PI4KA: variants seen among roughly 807,000 people sequenced by gnomAD.
PI4KA encodes the protein PI4-kinase alpha.
In PI4KA, 122 loss-of-function variants were observed where a neutral mutation model predicts 271.4. That is an observed-to-expected ratio of 0.45 (90% CI 0.39 to 0.52). The LOEUF (loss-of-function observed/expected upper bound fraction) is 0.52, where lower values mean the gene tolerates loss of function less well. PI4KA is among the 20% of genes least tolerant of loss of function. The pLI, the probability that PI4KA is intolerant of heterozygous loss-of-function variation, is 0.00. For synonymous variants in PI4KA, 1,041 were observed against 1,078.8 expected (o/e 0.96, Z 0.69); for missense variants, 1,969 against 2,769.1 (o/e 0.71, Z 6.48).
chr22:20,709,970 C>T lies in PI4KA; in HGVS notation c.6111G>A (p.Leu2037=), dbSNP rs749623393. 6 of 1,613,540 alleles carry T rather than the reference C, an allele frequency of 3.7e-6. No homozygotes were observed. In the African/African-American group the frequency reaches 4.0e-5, roughly 11 times the overall value. The change falls in exon 53 of 55, where the codon CTG becomes CTA. Residue 2037 remains leucine (L), a synonymous_variant. Coordinates refer to ENST00000255882, the MANE Select transcript of PI4KA (RefSeq NM_058004.4). The stretch of plus-strand genomic sequence containing the variant: ...GGCCCGTGTCCAACATGAGAGTGAC[C>T]AGGGAGACGACCGCGTCCATGTAGG... ...VRPYMDAVVS[L]VTLMLDTGLP... is the part of the protein sequence containing the mutation.
At chr22:20,843,874 C>T (rs1308302897) in intron 1 of PI4KA, among the ~76,000 whole-genome samples, 1 of 152,188 alleles carries the variant, frequency 6.6e-6, no homozygotes, top group Non-Finnish European at 1.5e-5. Context: ...TGCACACTCC[C>T]AGCCCCAAAA....
chr22:20,804,922 G>C, intron 11 of PI4KA, 52 bp downstream of exon 11: 1 of 1,428,156 alleles, frequency 7.0e-7, no homozygotes, highest in Non-Finnish European at 9.6e-7. Flanking sequence ...TGGCAAGAAA[G>C]CCTCTGGGTC....
In PI4KA at chr22:20,748,842, C is replaced by G. The variant is rs1246119013; in HGVS notation, c.3243+1063G>C. On this transcript the variant is annotated intron_variant, in intron 28 of 54. Transcript: ENST00000255882. ...CTACTCTGGTGGGTGGAGGAGAGGG[C>G]AGATTCGGGGAAGGCTGAGGCTGGG... 2.0e-5 allele frequency among the ~76,000 whole-genome samples: 3 copies of G among 152,032 alleles called. No homozygotes were observed. The East Asian group carries it at 5.8e-4, about 29-fold the overall frequency.
intron 3 of PI4KA, among the ~76,000 whole-genome samples, chr22:20,829,682 C>T (rs1010363364): frequency 2.0e-5 from 3 of 150,594 alleles, no homozygotes; most frequent in African/African-American, 7.3e-5. Flanking sequence ...TTAGTTATTT[C>T]TTATCTTCTG....
chr22:20,755,603 C>A (rs1931198676), intron 23 of PI4KA, among the ~76,000 whole-genome samples: 1 of 151,976 alleles, frequency 6.6e-6, no homozygotes, highest in Non-Finnish European at 1.5e-5. Context: ...GAGTTTGAGA[C>A]CAGCCTGGCC....
At chr22:20,804,594 C>T (rs1935526233) in intron 11 of PI4KA, among the ~76,000 whole-genome samples, 194 bp from the exon 12 acceptor site, 1 of 152,172 alleles carries the variant, frequency 6.6e-6, no homozygotes, top group Non-Finnish European at 1.5e-5. Flanking sequence ...CCCCTTGTCC[C>T]CGCAGTGTTC....
At chr22:20,740,604 A>C (rs1601380222) in intron 32 of PI4KA, among the ~76,000 whole-genome samples, 1 of 152,216 alleles carries the variant, frequency 6.6e-6, no homozygotes, top group Non-Finnish European at 1.5e-5. Context: ...CAAACAACTA[A>C]AAATGAAAGA....
At chr22:20,821,334 T>C (rs1922629428) in intron 4 of PI4KA, among the ~76,000 whole-genome samples, 1 of 152,044 alleles carries the variant, frequency 6.6e-6, no homozygotes, top group Non-Finnish European at 1.5e-5. Flanking sequence ...TTCTCCTGAC[T>C]CAGTCTCCTG....
At chr22:20,754,198 C>T (rs1455223319) in intron 23 of PI4KA, among the ~76,000 whole-genome samples, 2 of 152,162 alleles carry the variant, frequency 1.3e-5, no homozygotes, top group Non-Finnish European at 2.9e-5. Flanking sequence ...AGGGATCCTC[C>T]CACCTCAGCC....
At position 20,790,995 on chromosome 22, in the gene PI4KA, C is replaced by G. The variant is rs111740459; in HGVS notation, c.2328+2198G>C. The stretch of plus-strand genomic sequence containing the variant: ...ACAGATAACAGTTCTGCCTGTACCA[C>G]CCACCCCAGCAGCCCGGAGAGGCGC... On this transcript the variant is annotated intron_variant, in intron 19 of 54. Transcript: ENST00000255882. Among the ~76,000 whole-genome samples, 1,488 of 152,274 alleles carry G rather than the reference C, an allele frequency of 9.8e-3. 12 individuals are homozygous for G. The highest frequency in any genetic ancestry group is 0.061 in the Middle Eastern group (18 of 294).
rs139243317 is a variant in PI4KA at position 20,727,808 on chromosome 22, G to C, written c.4739C>G (p.Pro1580Arg). Residue 1580 changes from proline to arginine, a missense_variant, in exon 40 of 55, where the codon CCG becomes CGG. Pro to Arg is a moderately radical substitution (Grantham distance 103). Transcript: ENST00000255882. ...NEVTRLVRLD[P>R]GAVSDVPEAI... ...TTCAGGCACATCACTAACGGCTCCC[G>C]GGTCCAACCGAACGAGACGGGTCAC... 6.2e-7 allele frequency: 1 copy of C among 1,614,054 alleles called. No individual in the cohort carries two copies. Among genetic ancestry groups the C allele is most frequent in the Non-Finnish European group, 8.5e-7 (1 of 1,179,968 alleles).
intron 19 of PI4KA, chr22:20,787,063 C>T (rs759156249): frequency 1.2e-6 from 2 of 1,614,102 alleles, no homozygotes; most frequent in Admixed American, 3.3e-5. Flanking sequence ...CCAGCAGGTC[C>T]TAGAGGTGGA....
chr22:20,813,542 G>A (rs1342710691), intron 7 of PI4KA, 36 bp from the exon 8 acceptor site: 1 of 1,607,220 alleles, frequency 6.2e-7, no homozygotes, highest in Admixed American at 1.7e-5. Context: ...CAGCCGTGGT[G>A]ACAGGCAACT....
chr22:20,716,950 G>T (rs1289453255), intron 45 of PI4KA, among the ~76,000 whole-genome samples: 1 of 152,156 alleles, frequency 6.6e-6, no homozygotes, highest in Non-Finnish European at 1.5e-5. Context: ...CCAATAGTTA[G>T]AAATGCAGAG....
intron 19 of PI4KA, chr22:20,779,515 A>T: frequency 6.2e-7 from 1 of 1,614,038 alleles, no homozygotes; most frequent in Non-Finnish European, 8.5e-7. Context: ...GTCACCAACG[A>T]CTGGATTCCA....
intron 4 of PI4KA, among the ~76,000 whole-genome samples, chr22:20,821,321 C>A (rs374782512): frequency 6.6e-6 from 1 of 152,126 alleles, no homozygotes; most frequent in Admixed American, 6.6e-5. Flanking sequence ...CAGGTTCAAG[C>A]GATTCTCCTG....
intron 4 of PI4KA, 108 bp from the exon 5 acceptor site, chr22:20,820,719 C>T: frequency 1.3e-6 from 1 of 761,216 alleles, no homozygotes; most frequent in Non-Finnish European, 2.2e-6. Flanking sequence ...TTAACCAACC[C>T]CATATATGAT....
chr22:20,858,735 A>G lies in PI4KA; in HGVS notation c.-10T>C. The G allele has an allele frequency of 7.2e-7, 1 of 1,387,886 alleles. No individual in the cohort carries two copies. The highest frequency in any genetic ancestry group is 9.3e-7 in the Non-Finnish European group (1 of 1,071,094). The allele number at this position is 1,387,886 out of a possible 1,614,324, so 86.0% of individuals were successfully genotyped here. The stretch of plus-strand genomic sequence containing the variant: ...CCGGGGCCGCCGCCATCACCTCACG[A>G]GCCGCGGCGCTGCCCGCCGGCTCCC... On this transcript the variant is annotated 5_prime_UTR_variant, in exon 1 of 55. Coordinates refer to ENST00000255882, the MANE Select transcript of PI4KA (RefSeq NM_058004.4).
At position 20,828,453 on chromosome 22, in the gene PI4KA, C is replaced by T. The variant is rs370274845; in HGVS notation, c.368-4039G>A. ...GTTCTGGTTTTCAAGGGGAATGCTTCGAGCTTTTGACCATACAGTATAATG... is the reference window on the plus strand; with the variant it reads ...GTTCTGGTTTTCAAGGGGAATGCTTTGAGCTTTTGACCATACAGTATAATG... On this transcript the variant is annotated intron_variant, in intron 3 of 54. Transcript: ENST00000255882. Among the ~76,000 whole-genome samples, 16 of 152,234 alleles carry T rather than the reference C, an allele frequency of 1.1e-4. No homozygotes were observed. The South Asian group carries it at 2.9e-3, about 28-fold the overall frequency.
Sources: allele counts gnomAD v4.1 joint callset (sites outside exome capture counted in the v4.1 genomes callset), GRCh38; gene constraint gnomAD v4.1.1; transcripts MANE v1.5; gene names NCBI Gene and HGNC (gene_info 2026-07-23, HGNC 2026-07-21).